EHMT1: variants seen among roughly 807,000 people sequenced by gnomAD.
EHMT1 encodes euchromatic histone lysine methyltransferase 1.
A neutral mutation model predicts 147.2 loss-of-function variants in EHMT1; 15 were observed. The observed-to-expected ratio is 0.10, with a 90% CI of 0.07 to 0.16. The LOEUF is 0.16. EHMT1 is among the 10% of genes least tolerant of loss of function. EHMT1 has a pLI of 1.00. For synonymous variants in EHMT1, 795 were observed against 709.6 expected, an observed-to-expected ratio of 1.12 and a Z score of -1.91; for missense variants, 1,587 against 1,772.4, an observed-to-expected ratio of 0.90 and a Z score of 1.88.
chr9:137,736,298 A>G (rs1262677737), intron 4 of EHMT1, among the ~76,000 whole-genome samples: 2 of 152,286 alleles, frequency 1.3e-5, no homozygotes, highest in Non-Finnish European at 2.9e-5. Flanking sequence ...TACATACCCA[A>G]CGAATGATAG....
rs1951476508 is a variant in EHMT1, at chr9:137,781,186, G to A, written c.2276-1105G>A. 4.2e-5 allele frequency among the ~76,000 whole-genome samples: 4 copies of A among 95,104 alleles called. 1 individual carries two copies. Among genetic ancestry groups the A allele is most frequent in the Non-Finnish European group, 7.4e-5 (4 of 54,144 alleles). 62.4% of individuals were successfully genotyped at this position (95,104 alleles called of 152,430 possible). A position where few individuals can be genotyped will look rare whatever the true frequency, so the allele number is the denominator to read the frequency against. On this transcript the variant is annotated intron_variant, in intron 14 of 26. Coordinates refer to ENST00000460843, the MANE Select transcript of EHMT1 (RefSeq NM_024757.5). The stretch of plus-strand genomic sequence containing the variant: ...AGACGTGTGGTGATGACGCTGGGAC[G>A]TGTGGTGACGACGCTGAGACGTGTG...
At chr9:137,694,205 G>A (rs1588207464) in intron 1 of EHMT1, among the ~76,000 whole-genome samples, 1 of 118,372 alleles carries the variant, frequency 8.4e-6, no homozygotes, top group Middle Eastern at 7.2e-3. Context: ...GGTGCTGGAC[G>A]CTGGCCGATA....
intron 10 of EHMT1, among the ~76,000 whole-genome samples, chr9:137,773,609 A>C (rs1056915385): frequency 2.6e-5 from 4 of 152,194 alleles, no homozygotes; most frequent in Non-Finnish European, 2.9e-5. Context: ...TGTGCACTTA[A>C]TTATATCTTC....
At chr9:137,673,573 G>C (rs987002275) in intron 1 of EHMT1, among the ~76,000 whole-genome samples, 3 of 152,144 alleles carry the variant, frequency 2.0e-5, no homozygotes, top group African/African-American at 4.8e-5. Flanking sequence ...GGTCATGTCT[G>C]TGTCCCTCCC....
chr9:137,655,383 A>G (rs780207110), intron 1 of EHMT1, among the ~76,000 whole-genome samples: 1 of 152,050 alleles, frequency 6.6e-6, no homozygotes, highest in Non-Finnish European at 1.5e-5. Flanking sequence ...AGACCTCCTT[A>G]CTGCCCAGCA....
At chr9:137,691,259 G>A (rs1942903920) in intron 1 of EHMT1, among the ~76,000 whole-genome samples, 1 of 151,116 alleles carries the variant, frequency 6.6e-6, no homozygotes, top group African/African-American at 2.4e-5. Context: ...CTGTGTTATA[G>A]GATGTGTCTG....
chr9:137,758,057 T>C (rs1183716899), intron 9 of EHMT1, 46 bp downstream of exon 9: 2 of 1,613,414 alleles, frequency 1.2e-6, no homozygotes, highest in Non-Finnish European at 1.7e-6. Context: ...CTTGGTCCTT[T>C]GTCTTCTGGG....
rs1949205078 is a variant in EHMT1 at position 137,754,220 on chromosome 9, C to T, written c.1298C>T (p.Thr433Ile). 5 of 1,613,986 alleles carry T rather than the reference C, an allele frequency of 3.1e-6. No homozygotes were observed. Among genetic ancestry groups the T allele is most frequent in the African/African-American group, 1.3e-5 (1 of 74,878 alleles). Residue 433 changes from threonine to isoleucine, a missense_variant, in exon 8 of 27, where the codon ACC becomes ATC. This residue lies in a region of EHMT1 where 810 missense variants were observed against 673.0 expected (regional missense o/e 1.20). Transcript: ENST00000460843. ...AAATTTCTCAAGAGGAAAGGAAAGA[C>T]CGACAGTCCCTGGATCAAGCCAGCC... ...KKKFLKRKGK[T>I]DSPWIKPARK...
intron 25 of EHMT1, among the ~76,000 whole-genome samples, chr9:137,825,014 AC>A (rs1428739313): frequency 6.6e-6 from 1 of 152,032 alleles, no homozygotes; most frequent in African/African-American, 2.4e-5. Context: ...AGGTGTCCTT[AC>A]CCTGTCTAAT....
At chr9:137,781,087 C>T (rs1588673963) in intron 14 of EHMT1, among the ~76,000 whole-genome samples, 21 of 90,698 alleles carry the variant, frequency 2.3e-4, no homozygotes, top group Non-Finnish European at 4.0e-4. Flanking sequence ...GTGGTGATGA[C>T]GCTGGGATGT....
At chr9:137,718,062 A>C (rs1945528523) in intron 3 of EHMT1, among the ~76,000 whole-genome samples, 1 of 141,514 alleles carries the variant, frequency 7.1e-6, no homozygotes, top group African/African-American at 2.7e-5. Flanking sequence ...CCCACCCCTC[A>C]CGCACTGTGA....
chr9:137,805,946 C>T (rs1332801112), intron 18 of EHMT1, among the ~76,000 whole-genome samples: 5 of 151,484 alleles, frequency 3.3e-5, no homozygotes, highest in East Asian at 2.0e-4. Flanking sequence ...CAGGTGTGAG[C>T]GACTGTGCCC....
At chr9:137,639,904 A>T (rs1844358827) in intron 1 of EHMT1, among the ~76,000 whole-genome samples, 2 of 152,196 alleles carry the variant, frequency 1.3e-5, no homozygotes, top group African/African-American at 4.8e-5. Flanking sequence ...AACCCACCAG[A>T]CATTTGAGAC....
intron 1 of EHMT1, among the ~76,000 whole-genome samples, chr9:137,645,621 T>G (rs1456656393): frequency 6.6e-6 from 1 of 152,188 alleles, no homozygotes; most frequent in African/African-American, 2.4e-5. Flanking sequence ...AGGAAGGCTG[T>G]CTGTGTTTCC....
rs143052089 is a variant in EHMT1 at position 137,672,319 on chromosome 9, CTT to C, written c.22-38647_22-38646del. Among the ~76,000 whole-genome samples, 1,116 of 152,138 alleles carry C rather than the reference CTT, an allele frequency of 7.3e-3. 12 individuals carry two copies. The highest frequency in any genetic ancestry group is 0.025 in the African/African-American group (1,041 of 41,492). ...AGGTTTTGACAAATGGTAAAACTAA[CTT>C]GATGCCATTTTCATAAAGTATTTTA... On this transcript the variant is annotated intron_variant, in intron 1 of 26. Coordinates refer to ENST00000460843, the MANE Select transcript of EHMT1 (RefSeq NM_024757.5).
intron 10 of EHMT1, among the ~76,000 whole-genome samples, chr9:137,771,457 T>G (rs1950577883): frequency 6.6e-6 from 1 of 152,184 alleles, no homozygotes; most frequent in Non-Finnish European, 1.5e-5. Context: ...CACCTCGGGT[T>G]TACAGCCGTG....
intron 18 of EHMT1, among the ~76,000 whole-genome samples, chr9:137,807,297 A>G (rs1954029011): frequency 6.6e-6 from 1 of 151,928 alleles, no homozygotes; most frequent in South Asian, 2.1e-4. Flanking sequence ...TTTGTCTTCT[A>G]GTCCACTCAT....
chr9:137,680,290 A>G (rs1447770452), intron 1 of EHMT1, among the ~76,000 whole-genome samples: 1 of 152,118 alleles, frequency 6.6e-6, no homozygotes, highest in African/African-American at 2.4e-5. Context: ...CCTGGCTAAC[A>G]TGGAGAAACC....
intron 1 of EHMT1, among the ~76,000 whole-genome samples, chr9:137,657,467 G>A (rs1461046208): frequency 6.6e-6 from 1 of 151,700 alleles, no homozygotes; most frequent in Non-Finnish European, 1.5e-5. Flanking sequence ...AGGGTGTTGG[G>A]ATTGTAGGTG....
Sources: allele counts gnomAD v4.1 joint callset (sites outside exome capture counted in the v4.1 genomes callset), GRCh38; gene constraint gnomAD v4.1.1; regional missense constraint gnomAD v4.1.1; transcripts MANE v1.5; gene names NCBI Gene and HGNC (gene_info 2026-07-23, HGNC 2026-07-21).